Variants in GALNT13 observed in about 807,000 individuals in gnomAD.
The protein encoded by GALNT13 is UDP-GalNAc:polypeptide N-acetylgalactosaminyltransferase 13.
GALNT13 carries 28 observed loss-of-function variants against 64.2 expected under a neutral mutation model. The observed-to-expected ratio is 0.44, with a 90% CI of 0.32 to 0.60. The LOEUF is 0.60. GALNT13 is among the 20% of genes least tolerant of loss of function. The pLI, the probability that GALNT13 is intolerant of heterozygous loss-of-function variation, is 0.05. For synonymous variants in GALNT13, 214 were observed against 224.6 expected (o/e 0.95, Z 0.42); for missense variants, 577 against 669.8 (o/e 0.86, Z 1.53).
chr2:153,377,131 T>C, the GALNT13 span, among the ~76,000 whole-genome samples: 2 of 152,112 alleles, frequency 1.3e-5, no homozygotes, highest in Non-Finnish European at 2.9e-5. Flanking sequence ...ATACCGGGGA[T>C]GTACATGCAC....
the GALNT13 span, among the ~76,000 whole-genome samples, chr2:153,348,502 A>G: frequency 6.6e-6 from 1 of 152,238 alleles, no homozygotes; most frequent in Non-Finnish European, 1.5e-5. Flanking sequence ...TTAGATAATG[A>G]CAAGCTTTGT....
chr2:153,455,387 A>G, the GALNT13 span, among the ~76,000 whole-genome samples: 1 of 152,290 alleles, frequency 6.6e-6, no homozygotes, highest in South Asian at 2.1e-4. Context: ...TCGTTTACTC[A>G]GCTCACGGAT....
At chr2:153,486,169 C>T in the GALNT13 span, among the ~76,000 whole-genome samples, 2 of 152,104 alleles carry the variant, frequency 1.3e-5, no homozygotes, top group Non-Finnish European at 2.9e-5. Flanking sequence ...AACTCCTGAC[C>T]TTGTGATCCA....
At chr2:154,323,243 C>T (rs756415000) in intron 9 of GALNT13, among the ~76,000 whole-genome samples, 1 of 151,244 alleles carries the variant, frequency 6.6e-6, no homozygotes, top group African/African-American at 2.4e-5. Flanking sequence ...CTACAGTGAG[C>T]TGTAATTGTG....
chr2:153,951,049 T>A (rs1692142747), intron 3 of GALNT13, among the ~76,000 whole-genome samples: 1 of 151,990 alleles, frequency 6.6e-6, no homozygotes. Flanking sequence ...ACAACAAAAC[T>A]TTACAAAAGC....
chr2:154,177,941 T>C lies in GALNT13; in HGVS notation c.311+37436T>C, dbSNP rs186112149. 1.2e-3 allele frequency among the ~76,000 whole-genome samples: 184 copies of C among 152,310 alleles called. 1 individual carries two copies. Among genetic ancestry groups the C allele is most frequent in the African/African-American group, 4.0e-3 (166 of 41,566 alleles). On this transcript the variant is annotated intron_variant, in intron 4 of 12. Transcript: ENST00000392825. ...CTTGCCATTTTAAGAATTTGATTTA[T>C]ATACTTCTGGCTTCTGAACCTTTAT...
At chr2:153,944,672 A>AGCT in intron 3 of GALNT13, 33 bp downstream of exon 3, 1 of 1,567,442 alleles carries the variant, frequency 6.4e-7, no homozygotes, top group South Asian at 1.2e-5. Context: ...CTGTCTTTAT[A>AGCT]GAGATGAGAA....
At chr2:153,494,930 T>C in the GALNT13 span, among the ~76,000 whole-genome samples, 1 of 152,088 alleles carries the variant, frequency 6.6e-6, no homozygotes, top group African/African-American at 2.4e-5. Context: ...TAGATACTTC[T>C]TAAGAAAGAT....
chr2:153,906,705 T>TA (rs1171789182), intron 2 of GALNT13, among the ~76,000 whole-genome samples: 1 of 151,852 alleles, frequency 6.6e-6, no homozygotes, highest in Non-Finnish European at 1.5e-5. Context: ...GCAATAAACA[T>TA]ACGTGTGCAT....
At chr2:153,278,842 CT>C in the GALNT13 span, among the ~76,000 whole-genome samples, 1 of 151,984 alleles carries the variant, frequency 6.6e-6, no homozygotes, top group Non-Finnish European at 1.5e-5. Context: ...ATTCTGTCTC[CT>C]TTTTGGTCCC....
At chr2:153,378,294 AG>A in the GALNT13 span, among the ~76,000 whole-genome samples, 305 of 131,270 alleles carry the variant, frequency 2.3e-3, 1 homozygote, top group African/African-American at 7.0e-3. Context: ...ATAGATAGAT[AG>A]ATAGATAGAT....
intron 3 of GALNT13, among the ~76,000 whole-genome samples, chr2:154,089,497 C>T (rs1304632564): frequency 6.6e-6 from 1 of 152,048 alleles, no homozygotes; most frequent in African/African-American, 2.4e-5. Flanking sequence ...AAAGCCTAGA[C>T]CTCTCAGCCA....
chr2:153,606,255 A>G, the GALNT13 span, among the ~76,000 whole-genome samples: 2 of 152,126 alleles, frequency 1.3e-5, no homozygotes, highest in Non-Finnish European at 2.9e-5. Flanking sequence ...ACACACATAC[A>G]CATACATAGT....
At chr2:154,116,784 C>G (rs1481000030) in intron 3 of GALNT13, among the ~76,000 whole-genome samples, 3 of 152,044 alleles carry the variant, frequency 2.0e-5, no homozygotes, top group Admixed American at 6.6e-5. Context: ...TCAGAAACCC[C>G]CGAACCAATG....
chr2:154,124,114 T>G (rs903448206), intron 3 of GALNT13, among the ~76,000 whole-genome samples: 4 of 152,044 alleles, frequency 2.6e-5, no homozygotes, highest in Admixed American at 2.0e-4. Flanking sequence ...TTTTATATTT[T>G]CCCCTACATT....
intron 1 of GALNT13, among the ~76,000 whole-genome samples, chr2:153,893,615 T>A (rs1355214238): frequency 6.6e-6 from 1 of 151,988 alleles, no homozygotes; most frequent in African/African-American, 2.4e-5. Flanking sequence ...ACAAAACAAC[T>A]TTATTCTCCA....
intron 3 of GALNT13, among the ~76,000 whole-genome samples, chr2:153,988,685 G>C (rs1694968890): frequency 6.6e-6 from 1 of 151,878 alleles, no homozygotes; most frequent in African/African-American, 2.4e-5. Context: ...CAGAAGCAAG[G>C]GCATTGGTAG....
At chr2:154,456,271 G>A (rs1213912398), downstream of GALNT13, among the ~76,000 whole-genome samples, 5 of 150,540 alleles carry the variant, frequency 3.3e-5, no homozygotes, top group Non-Finnish European at 7.4e-5. Flanking sequence ...TTAGATATAT[G>A]CTTGGCACAT....
intron 4 of GALNT13, among the ~76,000 whole-genome samples, chr2:154,185,057 C>G (rs1259206981): frequency 6.6e-6 from 1 of 151,936 alleles, no homozygotes; most frequent in South Asian, 2.1e-4. Context: ...TGATGATAAC[C>G]TCCTTAGATT....
Sources: allele counts gnomAD v4.1 joint callset (sites outside exome capture counted in the v4.1 genomes callset), GRCh38; gene constraint gnomAD v4.1.1; transcripts MANE v1.5; gene names NCBI Gene and HGNC (gene_info 2026-07-23, HGNC 2026-07-21).